The following PLEKHG1 variants were observed in gnomAD, a reference collection of about 807,000 sequenced individuals.
PLEKHG1 encodes the protein pleckstrin homology domain-containing family G member 1.
PLEKHG1 carries 44 observed loss-of-function variants against 100.8 expected under a neutral mutation model. That is an observed-to-expected ratio of 0.44 (90% CI 0.34 to 0.56). PLEKHG1 has a LOEUF of 0.56. PLEKHG1 is among the 20% of genes least tolerant of loss of function. The pLI is 0.01. For missense variants in PLEKHG1, 1,545 were observed against 1,720.9 expected, an observed-to-expected ratio of 0.90 and a Z score of 1.81; for synonymous variants, 640 against 662.5, an observed-to-expected ratio of 0.97 and a Z score of 0.52.
intron 3 of PLEKHG1, among the ~76,000 whole-genome samples, chr6:150,781,522 A>G (rs1785310696): frequency 6.6e-6 from 1 of 151,976 alleles, no homozygotes. Context: ...AAAAGAAAAG[A>G]AAAGAAAATC....
chr6:150,698,262 C>T (rs980403923), intron 3 of PLEKHG1, among the ~76,000 whole-genome samples: 2 of 152,082 alleles, frequency 1.3e-5, no homozygotes, highest in Non-Finnish European at 2.9e-5. Flanking sequence ...GTAGTGTTTC[C>T]TATGTGTGCA....
intron 3 of PLEKHG1, among the ~76,000 whole-genome samples, chr6:150,700,963 G>A (rs1178263793): frequency 7.0e-6 from 1 of 142,488 alleles, no homozygotes; most frequent in African/African-American, 3.1e-5. Flanking sequence ...TCCCATATTT[G>A]GGTTATATAT....
intron 2 of PLEKHG1, among the ~76,000 whole-genome samples, chr6:150,745,393 C>A (rs569670825): frequency 6.6e-6 from 1 of 152,102 alleles, no homozygotes; most frequent in Admixed American, 6.6e-5. Flanking sequence ...TCAAAAATCA[C>A]GCACTTTGGC....
intron 10 of PLEKHG1, among the ~76,000 whole-genome samples, chr6:150,813,627 G>T (rs2128672799): frequency 6.6e-6 from 1 of 152,260 alleles, no homozygotes; most frequent in Admixed American, 6.5e-5. Flanking sequence ...TGGGGTGAGG[G>T]ACTGCAGTAT....
At chr6:150,734,219 A>T (rs1311254846) in intron 2 of PLEKHG1, 127 bp downstream of exon 3, 9 of 910,524 alleles carry the variant, frequency 9.9e-6, no homozygotes, top group Non-Finnish European at 1.3e-5. Context: ...GTTTAAAGAG[A>T]GAGTAATAAG....
chr6:150,637,343 G>C (rs1176634444), intron 1 of PLEKHG1, among the ~76,000 whole-genome samples: 2 of 149,994 alleles, frequency 1.3e-5, no homozygotes, highest in East Asian at 3.9e-4. Context: ...TCTGCTTTGG[G>C]GTTATATTTA....
chr6:150,830,563 AT>A lies in PLEKHG1; in HGVS notation c.1471-18del. On this transcript the variant is annotated intron_variant, in intron 14 of 15. Transcript: ENST00000358517. ...TCCATGGTGCTGTGATTCAGTTGAT[AT>A]GTTTCCATCTTCCTCAGGTTTCTAG... 1 of 1,549,534 alleles carries A rather than the reference AT, an allele frequency of 6.5e-7. No individual in the cohort carries two copies. The highest frequency in any genetic ancestry group is 8.8e-7 in the Non-Finnish European group (1 of 1,140,616).
intron 1 of PLEKHG1, among the ~76,000 whole-genome samples, chr6:150,609,196 TC>T (rs1407044686): frequency 6.6e-6 from 1 of 152,214 alleles, no homozygotes; most frequent in Non-Finnish European, 1.5e-5. Context: ...TCAACACATG[TC>T]CCTTTCTAAG....
At chr6:150,686,309 C>A (rs1780128538) in intron 3 of PLEKHG1, among the ~76,000 whole-genome samples, 1 of 152,230 alleles carries the variant, frequency 6.6e-6, no homozygotes, top group African/African-American at 2.4e-5. Context: ...CAGTATAATT[C>A]TGTGAACACT....
At position 150,832,413 on chromosome 6, in the gene PLEKHG1, G is replaced by T. The variant is rs548214980; in HGVS notation, c.3094+208G>T. ...CATTGTAGCATGATTTGGCCTCAGA[G>T]GGTGGTGGTGTGCATGTAACATCGT... On this transcript the variant is annotated intron_variant, in intron 15 of 15. Transcript: ENST00000358517. Among the ~76,000 whole-genome samples, 3 of 152,292 alleles carry T rather than the reference G, an allele frequency of 2.0e-5. No homozygotes were observed. The East Asian group carries it at 5.8e-4, about 29-fold the overall frequency.
At position 150,768,530 on chromosome 6, in the gene PLEKHG1, C is replaced by G. The variant is rs1583089147; in HGVS notation, c.412-108C>G. On this transcript the variant is annotated intron_variant, in intron 2 of 15. Transcript: ENST00000358517. The stretch of plus-strand genomic sequence containing the variant: ...TGTACTCTCAGAGTTAATGAGCACA[C>G]TAGTAAAATAATTACTTGAAACAGA... 17 of 674,224 alleles carry G rather than the reference C, an allele frequency of 2.5e-5. No homozygotes were observed. In the East Asian group the frequency reaches 4.6e-4, roughly 18 times the overall value. 41.8% of individuals were successfully genotyped at this position (674,224 alleles called of 1,614,324 possible).
At chr6:150,747,829 G>A (rs1183972736) in intron 2 of PLEKHG1, among the ~76,000 whole-genome samples, 1 of 152,004 alleles carries the variant, frequency 6.6e-6, no homozygotes, top group African/African-American at 2.4e-5. Context: ...TCAGGAGGTG[G>A]GGGTTGCAGT....
chr6:150,810,514 A>AAG (rs1554277627), intron 10 of PLEKHG1, among the ~76,000 whole-genome samples: 4 of 88,536 alleles, frequency 4.5e-5, no homozygotes, highest in African/African-American at 1.4e-4. Flanking sequence ...GAAAGAAAGA[A>AAG]AAAGAAAGAA....
chr6:150,701,419 A>T (rs1272783667), intron 3 of PLEKHG1, among the ~76,000 whole-genome samples: 95 of 14,936 alleles, frequency 6.4e-3, no homozygotes, highest in South Asian at 0.014. Context: ...GTAATTCTTT[A>T]TATATATATA....
chr6:150,805,894 C>T (rs1443513768), intron 7 of PLEKHG1, among the ~76,000 whole-genome samples: 1 of 152,064 alleles, frequency 6.6e-6, no homozygotes, highest in Non-Finnish European at 1.5e-5. Flanking sequence ...CATTTTGAGC[C>T]CTGAATCTTA....
At chr6:150,733,736 G>T (rs1782407067) in exon 2 of PLEKHG1, 1 of 1,613,968 alleles carries the variant, frequency 6.2e-7, no homozygotes, top group Non-Finnish European at 8.5e-7. Flanking sequence ...ATCATCCTCG[G>T]CCTCTTCCCG....
At position 150,683,607 on chromosome 6, in the gene PLEKHG1, C is replaced by T; in HGVS notation, c.-99+32821C>T. On this transcript the variant is annotated intron_variant, in intron 3 of 3. Transcript: ENST00000367326. This position sits in a 1 kb window ranked among gnomAD's most constrained non-coding sequence, Gnocchi z 4.0. ...AGCAGTCACGGTCATCACTTAGCTT[C>T]CTGTTGGGGAAAACCTTGGACACTG... 3.0e-6 allele frequency: 1 copy of T among 331,052 alleles called. No homozygotes were observed. Among genetic ancestry groups the T allele is most frequent in the South Asian group, 2.5e-5 (1 of 39,910 alleles). The allele number at this position is 331,052 out of a possible 1,614,324, so 20.5% of individuals were successfully genotyped here. A position where few individuals can be genotyped will look rare whatever the true frequency, so the allele number is the denominator to read the frequency against.
At chr6:150,827,823 G>A in intron 14 of PLEKHG1, 9 of 1,420,344 alleles carry the variant, frequency 6.3e-6, no homozygotes, top group Non-Finnish European at 8.0e-6. Context: ...TATGACTTTG[G>A]AAGAGCTGGA....
intron 14 of PLEKHG1, among the ~76,000 whole-genome samples, chr6:150,823,936 C>T (rs575259652): frequency 9.8e-5 from 15 of 152,304 alleles, no homozygotes; most frequent in Admixed American, 3.3e-4. Flanking sequence ...CATATCACAC[C>T]TCAGAGGCTG....
Sources: gnomAD v4.1 joint callset for allele counts (sites outside exome capture counted in the v4.1 genomes callset) on GRCh38, gnomAD v4.1.1 for gene constraint, Gnocchi (gnomAD v3.1) non-coding constraint, MANE v1.5 for transcripts, NCBI Gene and HGNC (gene_info 2026-07-23, HGNC 2026-07-21) for gene names.